The following MYO1H variants were observed in gnomAD, a reference collection of about 807,000 sequenced individuals.
The protein encoded by MYO1H is myosin IH.
Under a neutral mutation model 149.3 loss-of-function variants are expected in MYO1H, and 118 were observed. The observed-to-expected ratio is 0.79, with a 90% CI of 0.68 to 0.92. The LOEUF (loss-of-function observed/expected upper bound fraction) is 0.92. Among genes scored for constraint, MYO1H ranks in the 40% least tolerant of loss-of-function variants. The pLI is 0.00. For synonymous variants in MYO1H, 447 were observed against 465.2 expected (o/e 0.96, Z 0.50); for missense variants, 1,212 against 1,280.7 (o/e 0.95, Z 0.82).
chr12:109,340,586 T>C, the MYO1H span, among the ~76,000 whole-genome samples: 1 of 152,212 alleles, frequency 6.6e-6, no homozygotes, highest in Non-Finnish European at 1.5e-5. Flanking sequence ...AGATATTTCA[T>C]TGAACTTTGG....
chr12:109,443,654 G>A lies in MYO1H; in HGVS notation c.2824+5G>A. On this transcript the variant is annotated splice_donor_5th_base_variant and intron_variant, in intron 28 of 31. Transcript: ENST00000310903. ...TAGAGTACTCAGCTCTCAAAGGTAA[G>A]AAGTGGGCAATCTTTAAAACAATGC... 6.2e-7 allele frequency: 1 copy of A among 1,613,656 alleles called. No homozygotes were observed. Among genetic ancestry groups the A allele is most frequent in the Non-Finnish European group, 8.5e-7 (1 of 1,179,798 alleles).
intron 1 of MYO1H, among the ~76,000 whole-genome samples, chr12:109,367,692 C>T (rs1868894390): frequency 6.6e-6 from 1 of 152,010 alleles, no homozygotes; most frequent in Admixed American, 6.6e-5. Flanking sequence ...GCTAGGACTA[C>T]AGGCGCCCGC....
intron 1 of MYO1H, among the ~76,000 whole-genome samples, chr12:109,361,084 G>A (rs1592779432): frequency 1.3e-5 from 2 of 152,270 alleles, no homozygotes. Context: ...TCAAAGTGTG[G>A]CCTTTCTCTG....
the MYO1H span, among the ~76,000 whole-genome samples, chr12:109,339,753 G>A: frequency 6.6e-6 from 1 of 152,158 alleles, no homozygotes. Context: ...TAGGAAAAGA[G>A]GATCAGCCTT....
intron 27 of MYO1H, among the ~76,000 whole-genome samples, chr12:109,442,795 C>CTT (rs747073389): frequency 0.055 from 5,190 of 93,596 alleles, 212 homozygotes; most frequent in Non-Finnish European, 0.071. Context: ...AGTGTCTGCT[C>CTT]TTTTTTTTTT....
At position 109,443,008 on chromosome 12, in the gene MYO1H, AAAT is replaced by A. The variant is rs1345634791; in HGVS notation, c.2689-504_2689-502del. Among the ~76,000 whole-genome samples the A allele has an allele frequency of 3.8e-3, 254 of 66,950 alleles. 17 individuals are homozygous for A. The highest frequency in any genetic ancestry group is 0.013 in the African/African-American group (134 of 10,242). 43.9% of individuals were successfully genotyped at this position (66,950 alleles called of 152,430 possible). On this transcript the variant is annotated intron_variant, in intron 27 of 31. Transcript: ENST00000310903. Reference sequence around the variant, plus strand: ...ATGCAGAGAGCCAGGAAAAAAAAAAAAATATATATATATATATATATGTGTGTG... The same window carrying A: ...ATGCAGAGAGCCAGGAAAAAAAAAAAATATATATATATATATATGTGTGTG...
At chr12:109,390,623 TAGG>T (rs1278245233) in intron 2 of MYO1H, among the ~76,000 whole-genome samples, 9 of 152,048 alleles carry the variant, frequency 5.9e-5, no homozygotes, top group African/African-American at 2.2e-4. Context: ...TGCCCAATTT[TAGG>T]AGGTTTGTAG....
rs543491776 is a variant in MYO1H at position 109,367,328 on chromosome 12, A to G, written c.12+19356A>G. Among the ~76,000 whole-genome samples the G allele has an allele frequency of 1.6e-3, 241 of 152,296 alleles. 1 individual carries two copies. Among genetic ancestry groups the G allele is most frequent in the Admixed American group, 3.1e-3 (48 of 15,290 alleles). On this transcript the variant is annotated intron_variant, in intron 1 of 31. Coordinates refer to ENST00000310903, the Ensembl canonical transcript of MYO1H. ...ATATGAGTAGGTGGATCATAGAAAAAGAGATACAAAAGCCCGTCACCTGTA... is the reference window on the plus strand; with the variant it reads ...ATATGAGTAGGTGGATCATAGAAAAGGAGATACAAAAGCCCGTCACCTGTA...
the MYO1H span, among the ~76,000 whole-genome samples, chr12:109,322,634 A>G: frequency 1.3e-5 from 2 of 151,826 alleles, no homozygotes; most frequent in Non-Finnish European, 2.9e-5. Context: ...AGCCTGACCA[A>G]TATGGTGAAA....
At chr12:109,377,124 T>A (rs1379795371) in intron 1 of MYO1H, among the ~76,000 whole-genome samples, 1 of 152,218 alleles carries the variant, frequency 6.6e-6, no homozygotes, top group Non-Finnish European at 1.5e-5. Context: ...AAGTAAAATA[T>A]CTTCCCATTA....
chr12:109,398,213 C>G (rs540061184), intron 5 of MYO1H, among the ~76,000 whole-genome samples: 2 of 148,626 alleles, frequency 1.3e-5, no homozygotes, highest in African/African-American at 2.5e-5. Context: ...GCTACAGATG[C>G]GTAAGCATGT....
intron 1 of MYO1H, among the ~76,000 whole-genome samples, chr12:109,358,602 A>G (rs1400510619): frequency 2.0e-5 from 3 of 152,136 alleles, no homozygotes; most frequent in East Asian, 3.9e-4. Context: ...TTGCCATGCA[A>G]TGTTTTCGAA....
chr12:109,369,750 C>G (rs1592781837), intron 1 of MYO1H, among the ~76,000 whole-genome samples: 1 of 152,190 alleles, frequency 6.6e-6, no homozygotes, highest in Non-Finnish European at 1.5e-5. Flanking sequence ...CGTCATAACC[C>G]TGTAATTCAC....
At chr12:109,434,386 C>T (rs7972069) in intron 20 of MYO1H, among the ~76,000 whole-genome samples, 62,141 of 151,872 alleles carry the variant, frequency 0.41, 13,056 homozygotes, top group African/African-American at 0.48. Flanking sequence ...CCCAGCTACT[C>T]GGGAGTCTGA....
At chr12:109,377,265 G>C (rs1234765643) in intron 1 of MYO1H, among the ~76,000 whole-genome samples, 1 of 152,170 alleles carries the variant, frequency 6.6e-6, no homozygotes, top group Non-Finnish European at 1.5e-5. Flanking sequence ...AATTCTGATG[G>C]CTGGAAAGTT....
chr12:109,410,025 C>T, exon 12 of MYO1H: 2 of 1,543,866 alleles, frequency 1.3e-6, no homozygotes, highest in South Asian at 2.5e-5. Context: ...ATTGAGAGGA[C>T]TCTAAAAGCA....
intron 1 of MYO1H, among the ~76,000 whole-genome samples, chr12:109,385,401 T>C (rs535470707): frequency 8.9e-6 from 1 of 112,480 alleles, no homozygotes; most frequent in South Asian, 2.5e-4. Flanking sequence ...GTTCATGCGA[T>C]CCTCCCACTT....
Position 109,439,618 on chromosome 12 carries a change from T to C in MYO1H, c.2295-13T>C, listed in dbSNP as rs1872025674. On this transcript the variant is annotated splice_polypyrimidine_tract_variant and intron_variant, in intron 23 of 31. Coordinates refer to ENST00000310903, the Ensembl canonical transcript of MYO1H. ...AATGGTCCAGAAAAGTAAGAAAACA[T>C]TTTCCTTTTTAGGTTCATTAAAGGA... is the stretch of plus-strand genomic sequence containing the variant. 1 of 1,602,258 alleles carries C rather than the reference T, an allele frequency of 6.2e-7. No individual in the cohort carries two copies. Among genetic ancestry groups the C allele is most frequent in the South Asian group, 1.1e-5 (1 of 89,438 alleles).
intron 10 of MYO1H, among the ~76,000 whole-genome samples, chr12:109,409,187 TTCTCCA>T (rs140807581): frequency 5.5e-4 from 81 of 148,116 alleles, no homozygotes; most frequent in Middle Eastern, 6.9e-3. Flanking sequence ...ATAGGTCCTT[TTCTCCA>T]TCTCCTTCTC....
Sources: gnomAD v4.1 joint callset for allele counts (sites outside exome capture counted in the v4.1 genomes callset) on GRCh38, gnomAD v4.1.1 for gene constraint, MANE v1.5 for transcripts, NCBI Gene and HGNC (gene_info 2026-07-23, HGNC 2026-07-21) for gene names.